The following NFKBIL1 variants were observed in gnomAD, a reference collection of about 807,000 sequenced individuals.
NFKBIL1 encodes NF-kappa-B inhibitor-like protein 1.
NFKBIL1 carries 30 observed loss-of-function variants against 45.4 expected under a neutral mutation model. The ratio of observed to expected loss-of-function variants is 0.66; its 90% CI spans 0.49 to 0.90. The LOEUF is 0.90. Among genes scored for constraint, NFKBIL1 ranks in the 40% least tolerant of loss-of-function variants. NFKBIL1 has a pLI of 0.00. For synonymous variants in NFKBIL1, 179 were observed against 197.3 expected, an observed-to-expected ratio of 0.91 and a Z score of 0.78; for missense variants, 434 against 513.4, an observed-to-expected ratio of 0.85 and a Z score of 1.49.
At chr6:31,552,682 T>TTCC (rs1769495035) in intron 2 of NFKBIL1, among the ~76,000 whole-genome samples, 1 of 135,566 alleles carries the variant, frequency 7.4e-6, no homozygotes, top group Admixed American at 8.1e-5. Flanking sequence ...AAAGGCGGCA[T>TTCC]TTCTTTTTTT....
chr6:31,550,076 C>T (rs186152243), intron 2 of NFKBIL1, among the ~76,000 whole-genome samples: 37 of 152,158 alleles, frequency 2.4e-4, no homozygotes, highest in African/African-American at 8.4e-4. Flanking sequence ...TGGCACACAC[C>T]TGTAGTCTCA....
chr6:31,558,812 A>T lies in NFKBIL1; in HGVS notation c.*201A>T. On this transcript the variant is annotated 3_prime_UTR_variant, in exon 4 of 4. Transcript: ENST00000376148. This position sits in a 1 kb window ranked among gnomAD's most constrained non-coding sequence, Gnocchi z 7.2. ...CTTGACTCTGCCGTTTCCTAATAAG[A>T]CCTGGTTCCACATCTCACTCCCAGT... 1 of 534,188 alleles carries T rather than the reference A, an allele frequency of 1.9e-6. No individual in the cohort carries two copies. 33.1% of individuals were successfully genotyped at this position (534,188 alleles called of 1,614,324 possible).
chr6:31,557,603 C>T lies in NFKBIL1; in HGVS notation c.335-25C>T. On this transcript the variant is annotated intron_variant, in intron 2 of 3. Coordinates refer to ENST00000376148, the MANE Select transcript of NFKBIL1 (RefSeq NM_005007.4). This position sits in a 1 kb window ranked among gnomAD's most constrained non-coding sequence, Gnocchi z 5.4. ...GAGGAGTGGGAGTCCCAGCTAACTT[C>T]TGCTCCCTGCTCTCCCACCAACAGC... 6.8e-7 allele frequency: 1 copy of T among 1,479,432 alleles called. No individual in the cohort carries two copies. 91.6% of individuals were successfully genotyped at this position (1,479,432 alleles called of 1,614,324 possible). A position where few individuals can be genotyped will look rare whatever the true frequency, so the allele number is the denominator to read the frequency against.
upstream of NFKBIL1, chr6:31,547,534 C>G (rs990852899): frequency 2.5e-5 from 12 of 485,902 alleles, no homozygotes; most frequent in Non-Finnish European, 4.0e-5. Flanking sequence ...TCCGGTAACG[C>G]CCCTCACAGT....
At position 31,548,200 on chromosome 6, in the gene NFKBIL1, G is replaced by A. The variant is rs755428062; in HGVS notation, c.95G>A (p.Arg32His). ...SSMASTSRRQ[R>H]RERRFRRYLS... ...ATGGCCTCCACTTCCCGCCGCCAACGCCGAGAACGTCGCTTTCGTCGTTAC... is the reference window on the plus strand; with the variant it reads ...ATGGCCTCCACTTCCCGCCGCCAACACCGAGAACGTCGCTTTCGTCGTTAC... Residue 32 changes from arginine (R) to histidine (H), a missense_variant, in exon 2 of 4, where the codon CGC becomes CAC. Transcript: ENST00000376148. 1 of 1,613,104 alleles carries A rather than the reference G, an allele frequency of 6.2e-7. No homozygotes were observed. The highest frequency in any genetic ancestry group is 1.1e-5 in the South Asian group (1 of 91,092).
At position 31,557,797 on chromosome 6, in the gene NFKBIL1, G is replaced by A; in HGVS notation, c.504G>A (p.Lys168=). Residue 168 remains lysine, a synonymous_variant, in exon 3 of 4, where the codon AAG becomes AAA. Transcript: ENST00000376148. The surrounding 1 kb of genome is among the most constrained non-coding windows in gnomAD (Gnocchi z 5.4). The part of the protein sequence containing the change: ...DASKEREWRQ[K]LQGELEDEWQ... ...CCAAGGAGCGGGAATGGAGACAGAA[G>A]CTCCAGGGTGAGCTGGAGGACGAGT... 6.2e-7 allele frequency: 1 copy of A among 1,610,456 alleles called. No individual in the cohort carries two copies.
intron 2 of NFKBIL1, among the ~76,000 whole-genome samples, chr6:31,551,914 A>G (rs1211414238): frequency 6.6e-6 from 1 of 152,016 alleles, no homozygotes; most frequent in East Asian, 1.9e-4. Flanking sequence ...CTCCTTCCTC[A>G]GCCTCCTGAG....
chr6:31,547,684 G>A lies in NFKBIL1; in HGVS notation c.-11G>A. 9 of 1,606,334 alleles carry A rather than the reference G, an allele frequency of 5.6e-6. No homozygotes were observed. Among genetic ancestry groups the A allele is most frequent in the Non-Finnish European group, 6.8e-6 (8 of 1,175,156 alleles). ...GCTCTGGGGGTACTTGGGGGGGCGG[G>A]GGCAGGTCTGATGAGTAACCCCTCC... On this transcript the variant is annotated 5_prime_UTR_variant, in exon 1 of 4. Transcript: ENST00000376148.
intron 2 of NFKBIL1, among the ~76,000 whole-genome samples, chr6:31,549,509 C>A (rs1323326290): frequency 1.4e-4 from 21 of 150,248 alleles, no homozygotes; most frequent in African/African-American, 5.2e-4. Context: ...ACCTCAGCCT[C>A]TCAAAGTGCT....
In NFKBIL1 at chr6:31,557,601, T is replaced by C; in HGVS notation, c.335-27T>C. 6.8e-7 allele frequency: 1 copy of C among 1,480,752 alleles called. No homozygotes were observed. The allele number at this position is 1,480,752 out of a possible 1,614,324, so 91.7% of individuals were successfully genotyped here. On this transcript the variant is annotated intron_variant, in intron 2 of 3. Transcript: ENST00000376148. This position sits in a 1 kb window ranked among gnomAD's most constrained non-coding sequence, Gnocchi z 5.4. Reference sequence around the variant, plus strand: ...CCGAGGAGTGGGAGTCCCAGCTAACTTCTGCTCCCTGCTCTCCCACCAACA... The same window carrying C: ...CCGAGGAGTGGGAGTCCCAGCTAACCTCTGCTCCCTGCTCTCCCACCAACA...
chr6:31,549,698 T>C (rs1466220975), intron 2 of NFKBIL1, among the ~76,000 whole-genome samples: 1 of 152,052 alleles, frequency 6.6e-6, no homozygotes, highest in Non-Finnish European at 1.5e-5. Flanking sequence ...AGTAAGACTA[T>C]TATTTATTTT....
chr6:31,550,600 A>T (rs1159548933), intron 2 of NFKBIL1, among the ~76,000 whole-genome samples: 4 of 152,184 alleles, frequency 2.6e-5, no homozygotes, highest in Non-Finnish European at 5.9e-5. Context: ...GCAGACCTGC[A>T]TCCAGACCCC....
chr6:31,557,769 C>G lies in NFKBIL1; in HGVS notation c.476C>G (p.Ala159Gly). The G allele has an allele frequency of 6.2e-7, 1 of 1,612,806 alleles. No individual in the cohort carries two copies. Residue 159 changes from alanine to glycine, a missense_variant, in exon 3 of 4, where the codon GCC becomes GGC. Physicochemically the swap from Ala to Gly is moderately conservative, Grantham distance 60. This residue lies in a region of NFKBIL1 where 231 missense variants were observed against 264.1 expected (regional missense o/e 0.87). Transcript: ENST00000376148. The surrounding 1 kb of genome is among the most constrained non-coding windows in gnomAD (Gnocchi z 5.4). ...DSAEEEEEDD[A>G]SKEREWRQKL... ...GCTGAAGAGGAGGAAGAAGATGATG[C>G]CTCCAAGGAGCGGGAATGGAGACAG...
intron 2 of NFKBIL1, among the ~76,000 whole-genome samples, chr6:31,555,759 CG>C (rs1554277757): frequency 1.3e-5 from 2 of 149,538 alleles, no homozygotes; most frequent in South Asian, 2.1e-4. Context: ...GGATTACAGG[CG>C]TCAGCCACCA....
Position 31,557,565 on chromosome 6 carries a change from T to C in NFKBIL1, c.335-63T>C, listed in dbSNP as rs1030014023. On this transcript the variant is annotated intron_variant, in intron 2 of 3. Transcript: ENST00000376148. This position sits in a 1 kb window ranked among gnomAD's most constrained non-coding sequence, Gnocchi z 5.4. The stretch of plus-strand genomic sequence containing the variant: ...AGCGAGTGACCAGCAGGATTCAAGA[T>C]GGCAGCTCTGCCGAGGAGTGGGAGT... 2 of 1,341,580 alleles carry C rather than the reference T, an allele frequency of 1.5e-6. No homozygotes were observed. The highest frequency in any genetic ancestry group is 2.0e-6 in the Non-Finnish European group (2 of 994,688). 83.1% of individuals were successfully genotyped at this position (1,341,580 alleles called of 1,614,324 possible).
At chr6:31,550,895 C>T (rs1769393848) in intron 2 of NFKBIL1, among the ~76,000 whole-genome samples, 1 of 152,166 alleles carries the variant, frequency 6.6e-6, no homozygotes, top group African/African-American at 2.4e-5. Flanking sequence ...CCGTGTTGGT[C>T]AGGCTGGTCT....
intron 1 of NFKBIL1, 66 bp from the exon 2 acceptor site, chr6:31,548,097 C>T: frequency 2.5e-6 from 4 of 1,600,802 alleles, no homozygotes; most frequent in Non-Finnish European, 3.4e-6. Flanking sequence ...CAGGGGATGT[C>T]AGAGATGGAG....
rs375699308 is a variant in NFKBIL1, at chr6:31,557,583, G to A, written c.335-45G>A. 2 of 1,436,326 alleles carry A rather than the reference G, an allele frequency of 1.4e-6. No homozygotes were observed. The highest frequency in any genetic ancestry group is 2.9e-5 in the African/African-American group (2 of 70,122). The allele number at this position is 1,436,326 out of a possible 1,614,324, so 89.0% of individuals were successfully genotyped here. A position where few individuals can be genotyped will look rare whatever the true frequency, so the allele number is the denominator to read the frequency against. On this transcript the variant is annotated intron_variant, in intron 2 of 3. Transcript: ENST00000376148. The surrounding 1 kb of genome is among the most constrained non-coding windows in gnomAD (Gnocchi z 5.4). ...TTCAAGATGGCAGCTCTGCCGAGGAGTGGGAGTCCCAGCTAACTTCTGCTC... is the reference window on the plus strand; with the variant it reads ...TTCAAGATGGCAGCTCTGCCGAGGAATGGGAGTCCCAGCTAACTTCTGCTC...
At chr6:31,553,392 CAA>C (rs1158513975) in intron 2 of NFKBIL1, among the ~76,000 whole-genome samples, 1 of 151,934 alleles carries the variant, frequency 6.6e-6, no homozygotes, top group Non-Finnish European at 1.5e-5. Context: ...TAGGGAAAAA[CAA>C]GAGTCCCACC....
Sources: gnomAD v4.1 joint callset for allele counts (sites outside exome capture counted in the v4.1 genomes callset) on GRCh38, gnomAD v4.1.1 for gene constraint, gnomAD v4.1.1 regional missense constraint, Gnocchi (gnomAD v3.1) non-coding constraint, MANE v1.5 for transcripts, NCBI Gene and HGNC (gene_info 2026-07-23, HGNC 2026-07-21) for gene names.